Variants in LMTK2 observed in about 807,000 individuals in gnomAD.
The protein encoded by LMTK2 is lemur tail kinase 2, also known as serine/threonine-protein kinase LMTK2.
In LMTK2, 37 loss-of-function variants were observed where a neutral mutation model predicts 127.5. That is an observed-to-expected ratio of 0.29 (90% CI 0.22 to 0.38). The LOEUF (loss-of-function observed/expected upper bound fraction) is 0.38. Ranked by LOEUF, LMTK2 falls within the 10% of genes least tolerant of loss-of-function variation. The pLI is 1.00. For synonymous variants in LMTK2, 819 were observed against 810.1 expected, an observed-to-expected ratio of 1.01 and a Z score of -0.19; for missense variants, 1,694 against 1,920.3, an observed-to-expected ratio of 0.88 and a Z score of 2.20.
intron 9 of LMTK2, among the ~76,000 whole-genome samples, chr7:98,188,290 C>T (rs569386439): frequency 1.2e-4 from 18 of 152,142 alleles, no homozygotes; most frequent in African/African-American, 4.1e-4. Flanking sequence ...CCTAGTGTAT[C>T]GTGAGTCTGA....
At position 98,107,222 on chromosome 7, in the gene LMTK2, G is replaced by A. The variant is rs766887524; in HGVS notation, c.45G>A (p.Leu15=). ...PALRRRLLLL[L]LVLLIAGSAG... ...TGCGGCGGAGGCTGCTGCTGCTGCT[G>A]CTGGTCCTCCTGATCGCCGGCAGTG... The change falls in exon 1 of 14, where the codon CTG becomes CTA. Residue 15 remains leucine, a synonymous_variant. Transcript: ENST00000297293. 2.7e-6 allele frequency: 4 copies of A among 1,464,686 alleles called. No homozygotes were observed. The highest frequency in any genetic ancestry group is 1.3e-5 in the South Asian group (1 of 76,236). The allele number at this position is 1,464,686 out of a possible 1,614,324, so 90.7% of individuals were successfully genotyped here. A position where few individuals can be genotyped will look rare whatever the true frequency, so the allele number is the denominator to read the frequency against.
intron 3 of LMTK2, among the ~76,000 whole-genome samples, chr7:98,142,261 C>T (rs1008829485): frequency 1.3e-5 from 2 of 152,174 alleles, no homozygotes; most frequent in African/African-American, 2.4e-5. Context: ...GTGTGACACA[C>T]GCTGTGGGCT....
chr7:98,167,953 G>A (rs959961400), intron 6 of LMTK2, among the ~76,000 whole-genome samples: 8 of 152,162 alleles, frequency 5.3e-5, no homozygotes, highest in African/African-American at 1.9e-4. Context: ...AGGAAAGAAC[G>A]GGCCGGTCTC....
intron 1 of LMTK2, among the ~76,000 whole-genome samples, chr7:98,136,824 T>C (rs1348650071): frequency 1.3e-5 from 2 of 152,194 alleles, no homozygotes; most frequent in Non-Finnish European, 2.9e-5. Flanking sequence ...TGACCAGCAC[T>C]CTTCAAAAGT....
rs56064038 is a variant in LMTK2 at position 98,193,678 on chromosome 7, G to A, written c.3213G>A (p.Pro1071=). Residue 1071 remains proline, a synonymous_variant, in exon 11 of 14, where the codon CCG becomes CCA. Coordinates refer to ENST00000297293, the MANE Select transcript of LMTK2 (RefSeq NM_014916.4). This position sits in a 1 kb window ranked among gnomAD's most constrained non-coding sequence, Gnocchi z 4.1. The stretch of plus-strand genomic sequence containing the variant: ...GCCACAGCGGTCTGCCTCCCAACCC[G>A]GTCATTGTCATCTCAGATGCCGGCG... ...DGGHSGLPPN[P]VIVISDAGDG... is the part of the protein sequence containing the mutation. 2.8e-3 allele frequency: 4,476 copies of A among 1,613,774 alleles called. 85 individuals are homozygous for A. The African/African-American group carries it at 0.049, about 18-fold the overall frequency.
chr7:98,130,489 G>A lies in LMTK2; in HGVS notation c.104-6826G>A, dbSNP rs184838657. Among the ~76,000 whole-genome samples, 463 of 152,262 alleles carry A rather than the reference G, an allele frequency of 3.0e-3. 5 individuals are homozygous for A. The highest frequency in any genetic ancestry group is 4.5e-3 in the Non-Finnish European group (304 of 68,016). Reference sequence around the variant, plus strand: ...ATTTAAGCATCTGTCCTAGAGATGGGTTGGATGGTGTTCCCCCTAAATTCA... The same window carrying A: ...ATTTAAGCATCTGTCCTAGAGATGGATTGGATGGTGTTCCCCCTAAATTCA... On this transcript the variant is annotated intron_variant, in intron 1 of 13. Transcript: ENST00000297293.
At chr7:98,113,412 G>A (rs986354438) in intron 1 of LMTK2, among the ~76,000 whole-genome samples, 2 of 151,984 alleles carry the variant, frequency 1.3e-5, no homozygotes, top group African/African-American at 4.8e-5. Context: ...AGTCTTGAGC[G>A]ATTCTTTATA....
In LMTK2 at chr7:98,192,839, G is replaced by A. The variant is rs1562921047; in HGVS notation, c.2374G>A (p.Asp792Asn). The change falls in exon 11 of 14, where the codon GAC (aspartate) becomes AAC (asparagine). Residue 792 changes from aspartate to asparagine, a missense_variant. Asp to Asn is a conservative substitution (Grantham distance 23). Transcript: ENST00000297293. ...LLQENVSTKG[D>N]DTDVMLTGDT... The stretch of plus-strand genomic sequence containing the variant: ...GCAGGAAAACGTAAGCACAAAGGGT[G>A]ACGATACAGATGTCATGCTCACAGG... 5 of 1,613,914 alleles carry A rather than the reference G, an allele frequency of 3.1e-6. No homozygotes were observed. Among genetic ancestry groups the A allele is most frequent in the East Asian group, 2.2e-5 (1 of 44,876 alleles).
At chr7:98,177,341 A>C (rs10278570) in intron 7 of LMTK2, among the ~76,000 whole-genome samples, 8,812 of 152,268 alleles carry the variant, frequency 0.058, 651 homozygotes, top group East Asian at 0.36. Flanking sequence ...TGAGAAAGAC[A>C]CAGGACTGTA....
intron 4 of LMTK2, among the ~76,000 whole-genome samples, chr7:98,154,406 A>G (rs540476859): frequency 2.6e-5 from 4 of 152,370 alleles, no homozygotes; most frequent in Non-Finnish European, 5.9e-5. Context: ...GTTATGTTGG[A>G]ACTGAACTTA....
In LMTK2 at chr7:98,106,905, C is replaced by G. The variant is rs1397186382; in HGVS notation, c.-273C>G. The G allele has an allele frequency of 4.9e-5, 22 of 445,800 alleles. No homozygotes were observed. In the East Asian group the frequency reaches 7.1e-4, roughly 14 times the overall value. The allele number at this position is 445,800 out of a possible 1,614,324, so 27.6% of individuals were successfully genotyped here. ...TCATGGCGGCGGGAGCGCGGCTTCC[C>G]AGGCCCGCCGCTCCGCAGGGCTGCT... On this transcript the variant is annotated 5_prime_UTR_variant, in exon 1 of 14. Coordinates refer to ENST00000297293, the MANE Select transcript of LMTK2 (RefSeq NM_014916.4).
In LMTK2 at chr7:98,194,554, A is replaced by C; in HGVS notation, c.4089A>C (p.Thr1363=). The part of the protein sequence containing the change: ...KKAVTFFDDV[T]VYLFDQETPT... The stretch of plus-strand genomic sequence containing the variant: ...CAGTCACGTTTTTCGATGATGTCAC[A>C]GTCTACCTGTTTGACCAGGTATCTG... The change falls in exon 11 of 14, where the codon ACA becomes ACC. Residue 1363 remains threonine (T), a synonymous_variant. Transcript: ENST00000297293. The surrounding 1 kb of genome is among the most constrained non-coding windows in gnomAD (Gnocchi z 5.4). 1 of 1,606,506 alleles carries C rather than the reference A, an allele frequency of 6.2e-7. No homozygotes were observed.
chr7:98,203,827 A>G (rs1797745074), intron 12 of LMTK2, 117 bp from the exon 13 acceptor site: 1 of 1,573,504 alleles, frequency 6.4e-7, no homozygotes, highest in Admixed American at 1.8e-5. Flanking sequence ...CAGAACTGCC[A>G]TCTGCCAGCC....
In LMTK2 at chr7:98,186,867, A is replaced by G. The variant is rs535906335; in HGVS notation, c.877-10A>G. 2.7e-5 allele frequency: 43 copies of G among 1,609,136 alleles called. No homozygotes were observed. Among genetic ancestry groups the G allele is most frequent in the Middle Eastern group, 1.6e-4 (1 of 6,066 alleles). The stretch of plus-strand genomic sequence containing the variant: ...CTATTCAAAATTCTGTGTGCTTTCT[A>G]ACAAAACAGGAGGATTATATTGAAA... On this transcript the variant is annotated splice_polypyrimidine_tract_variant and intron_variant, in intron 8 of 13. Coordinates refer to ENST00000297293, the MANE Select transcript of LMTK2 (RefSeq NM_014916.4).
chr7:98,138,604 C>T (rs1474312923), intron 2 of LMTK2, among the ~76,000 whole-genome samples: 10 of 152,166 alleles, frequency 6.6e-5, no homozygotes, highest in Admixed American at 3.3e-4. Flanking sequence ...CGCCTGCTGA[C>T]GGCACTAGTA....
At chr7:98,128,976 A>G (rs1285171039) in intron 1 of LMTK2, among the ~76,000 whole-genome samples, 1 of 152,200 alleles carries the variant, frequency 6.6e-6, no homozygotes, top group Non-Finnish European at 1.5e-5. Flanking sequence ...ACTCCAATAC[A>G]GTGTATGTCA....
At chr7:98,191,010 C>A (rs1797514869) in intron 10 of LMTK2, 133 bp downstream of exon 10, 2 of 857,316 alleles carry the variant, frequency 2.3e-6, no homozygotes, top group Non-Finnish European at 3.7e-6. Context: ...ATGAGCTGAA[C>A]TACTTAATGT....
intron 3 of LMTK2, among the ~76,000 whole-genome samples, chr7:98,149,184 T>C (rs1023039347): frequency 1.3e-5 from 2 of 152,222 alleles, no homozygotes; most frequent in African/African-American, 4.8e-5. Context: ...AAGTTAAACA[T>C]AGTTCCTTGG....
chr7:98,189,771 TG>T (rs1218144423), intron 9 of LMTK2, among the ~76,000 whole-genome samples: 1 of 152,176 alleles, frequency 6.6e-6, no homozygotes, highest in Non-Finnish European at 1.5e-5. Flanking sequence ...AGGATTGGGC[TG>T]GGACTGAGAA....
Sources: gnomAD v4.1 joint callset for allele counts (sites outside exome capture counted in the v4.1 genomes callset) on GRCh38, gnomAD v4.1.1 for gene constraint, Gnocchi (gnomAD v3.1) non-coding constraint, MANE v1.5 for transcripts, NCBI Gene and HGNC (gene_info 2026-07-23, HGNC 2026-07-21) for gene names.